ZNF12: variants seen among roughly 807,000 people sequenced by gnomAD.
ZNF12 encodes gonadotropin inducible transcription repressor 3.
Under a neutral mutation model 66.6 loss-of-function variants are expected in ZNF12, and 34 were observed. The ratio of observed to expected loss-of-function variants is 0.51; its 90% confidence interval spans 0.39 to 0.68. ZNF12 has a LOEUF of 0.68. ZNF12 is among the 30% of genes least tolerant of loss of function. The pLI is 0.00. For synonymous variants in ZNF12, 320 were observed against 278.9 expected (o/e 1.15, Z -1.47); for missense variants, 697 against 826.9 (o/e 0.84, Z 1.93).
rs1163077928 is a variant in ZNF12 at position 6,706,550 on chromosome 7, G to C, written c.-169C>G. ...CTGTCCACCTCACCAAGGCCGTTCT[G>C]CTCCAGAGGGGCCCGGGCCGGGCCT... On this transcript the variant is annotated 5_prime_UTR_variant, in exon 1 of 5. Coordinates refer to ENST00000405858, the MANE Select transcript of ZNF12 (RefSeq NM_016265.4). 2.1e-6 allele frequency: 1 copy of C among 469,828 alleles called. No homozygotes were observed. The highest frequency in any genetic ancestry group is 1.5e-5 in the South Asian group (1 of 65,628). 29.1% of individuals were successfully genotyped at this position (469,828 alleles called of 1,614,324 possible). A position where few individuals can be genotyped will look rare whatever the true frequency, so the allele number is the denominator to read the frequency against.
chr7:6,692,178 T>C lies in ZNF12; in HGVS notation c.764A>G (p.Asp255Gly). ...ATGAGATGTCTGATGTACAGTGAGG[T>C]CCGACATCTGGAGAAAGGCTATTTC... is the stretch of plus-strand genomic sequence containing the variant. ...GSEIAFLQMSDLTVHQTSHME... is the reference protein window; with the variant it reads ...GSEIAFLQMSGLTVHQTSHME... Residue 255 changes from aspartate to glycine, a missense_variant, in exon 5 of 5, where the codon GAC becomes GGC. Transcript: ENST00000405858. This position sits in a 1 kb window ranked among gnomAD's most constrained non-coding sequence, Gnocchi z 5.1. 1 of 1,614,154 alleles carries C rather than the reference T, an allele frequency of 6.2e-7. No homozygotes were observed. Among genetic ancestry groups the C allele is most frequent in the East Asian group, 2.2e-5 (1 of 44,882 alleles).
chr7:6,706,265 C>G (rs1008497176), intron 1 of ZNF12, among the ~76,000 whole-genome samples, 167 bp downstream of exon 1: 3 of 152,182 alleles, frequency 2.0e-5, no homozygotes, highest in Admixed American at 1.3e-4. Context: ...GTGACACCCC[C>G]CACGCCCCCG....
rs1220926348 is a variant in ZNF12 at position 6,692,342 on chromosome 7, A to G, written c.600T>C (p.Thr200=). 1 of 1,607,898 alleles carries G rather than the reference A, an allele frequency of 6.2e-7. No individual in the cohort carries two copies. The highest frequency in any genetic ancestry group is 1.7e-5 in the Admixed American group (1 of 58,912). The part of the protein sequence containing the change: ...YEFNQNGEPY[T]LNEESLYQKI... ...TCTGATAAAGACTTTCTTCATTTAG[A>G]GTATAAGGTTCCCCATTTTGATTAA... The change falls in exon 5 of 5, where the codon ACT becomes ACC. Residue 200 remains threonine (T), a synonymous_variant. Transcript: ENST00000405858. The surrounding 1 kb of genome is among the most constrained non-coding windows in gnomAD (Gnocchi z 5.1).
chr7:6,701,703 A>G (rs1231267583), intron 2 of ZNF12, among the ~76,000 whole-genome samples: 1 of 151,938 alleles, frequency 6.6e-6, no homozygotes, highest in Non-Finnish European at 1.5e-5. Flanking sequence ...TAGGAATGCT[A>G]TGTCTACCCT....
intron 2 of ZNF12, among the ~76,000 whole-genome samples, chr7:6,700,328 CACACACACAT>C (rs1780218522): frequency 2.0e-5 from 3 of 148,360 alleles, no homozygotes; most frequent in African/African-American, 5.1e-5. Context: ...CACACACACA[CACACACACAT>C]ATATATACAT....
chr7:6,697,408 T>A lies in ZNF12; in HGVS notation c.169A>T (p.Ile57Phe), dbSNP rs772084571. ...TCTTCTCCTTGCTCCAACTTGCTGA[T>A]AACATCCGGTTTGATAATGTGATAC... is the stretch of plus-strand genomic sequence containing the variant. ...VGYHIIKPDV[I>F]SKLEQGEEPW... The change falls in exon 4 of 5, where the codon ATC becomes TTC. Residue 57 changes from isoleucine (I) to phenylalanine (F), a missense_variant. Physicochemically the swap from Ile to Phe is conservative, Grantham distance 21 (BLOSUM62 0). Around this residue, in one of 3 missense-constraint regions of ZNF12, gnomAD observed 55 missense variants for 83.9 expected, o/e 0.66. Coordinates refer to ENST00000405858, the MANE Select transcript of ZNF12 (RefSeq NM_016265.4). This position sits in a 1 kb window ranked among gnomAD's most constrained non-coding sequence, Gnocchi z 6.1. The A allele has an allele frequency of 6.2e-7, 1 of 1,612,674 alleles. No individual in the cohort carries two copies. Among genetic ancestry groups the A allele is most frequent in the Non-Finnish European group, 8.5e-7 (1 of 1,179,384 alleles).
rs1329782662 is a variant in ZNF12, at chr7:6,705,726, AC to A, written c.-50-504del. Among the ~76,000 whole-genome samples the A allele has an allele frequency of 1.4e-4, 22 of 152,090 alleles. No homozygotes were observed. Among genetic ancestry groups the A allele is most frequent in the African/African-American group, 4.8e-4 (20 of 41,466 alleles). Reference sequence around the variant, plus strand: ...AAAGCGAAACTTGTCTCAAAAACAAACAAACAAACAAACAAAAAACAAACAA... The same window carrying A: ...AAAGCGAAACTTGTCTCAAAAACAAAAAACAAACAAACAAAAAACAAACAA... On this transcript the variant is annotated intron_variant, in intron 1 of 4. Coordinates refer to ENST00000405858, the MANE Select transcript of ZNF12 (RefSeq NM_016265.4). The surrounding 1 kb of genome is among the most constrained non-coding windows in gnomAD (Gnocchi z 4.0).
In ZNF12 at chr7:6,705,060, T is replaced by C. The variant is rs891569477; in HGVS notation, c.15+99A>G. On this transcript the variant is annotated intron_variant, in intron 2 of 4. Transcript: ENST00000405858. This position sits in a 1 kb window ranked among gnomAD's most constrained non-coding sequence, Gnocchi z 4.0. The stretch of plus-strand genomic sequence containing the variant: ...GTTCTGTCTGACCAAATCTTGTATC[T>C]ATTTCTACTTTCCCATTTTAAACTT... 16 of 1,403,246 alleles carry C rather than the reference T, an allele frequency of 1.1e-5. No individual in the cohort carries two copies. The East Asian group carries it at 2.2e-4, about 19-fold the overall frequency. 86.9% of individuals were successfully genotyped at this position (1,403,246 alleles called of 1,614,324 possible). A position where few individuals can be genotyped will look rare whatever the true frequency, so the allele number is the denominator to read the frequency against.
At chr7:6,702,499 CA>C (rs1780268383) in intron 2 of ZNF12, among the ~76,000 whole-genome samples, 1 of 103,032 alleles carries the variant, frequency 9.7e-6, no homozygotes. Context: ...CACACACACA[CA>C]CACACACAGA....
intron 4 of ZNF12, among the ~76,000 whole-genome samples, chr7:6,695,425 T>C (rs2087712981): frequency 1.3e-5 from 2 of 151,982 alleles, no homozygotes; most frequent in Admixed American, 6.6e-5. Context: ...TTCACTATGT[T>C]ACCCAGGCTG....
At chr7:6,694,537 T>C (rs542272384) in intron 4 of ZNF12, among the ~76,000 whole-genome samples, 3 of 152,306 alleles carry the variant, frequency 2.0e-5, no homozygotes, top group Non-Finnish European at 4.4e-5. Context: ...AGTAGAGAGT[T>C]GTTCTGGAGG....
In ZNF12 at chr7:6,706,890, CA is replaced by C; in HGVS notation, c.-510del. On this transcript the variant is annotated 5_prime_UTR_variant, in exon 1 of 5. Coordinates refer to ENST00000405858, the MANE Select transcript of ZNF12 (RefSeq NM_016265.4). The stretch of plus-strand genomic sequence containing the variant: ...TCCGCGATTCTCGCCCACCGGAGGC[CA>C]AAGCCTGGGAACTAGGGCGAGCGGT... 1 of 408,030 alleles carries C rather than the reference CA, an allele frequency of 2.5e-6. No homozygotes were observed. Among genetic ancestry groups the C allele is most frequent in the Non-Finnish European group, 4.8e-6 (1 of 206,202 alleles). 25.3% of individuals were successfully genotyped at this position (408,030 alleles called of 1,614,324 possible).
At position 6,705,202 on chromosome 7, in the gene ZNF12, G is replaced by A. The variant is rs1429183338; in HGVS notation, c.-29C>T. 1.2e-6 allele frequency: 2 copies of A among 1,613,618 alleles called. No individual in the cohort carries two copies. The highest frequency in any genetic ancestry group is 1.7e-5 in the Admixed American group (1 of 59,986). The stretch of plus-strand genomic sequence containing the variant: ...CTGCTGCTCTTGGAAAAATCTGGAG[G>A]ACTGTGAAAGCGGAGGCAGATCTGG... On this transcript the variant is annotated 5_prime_UTR_variant, in exon 2 of 5. Transcript: ENST00000405858. This position sits in a 1 kb window ranked among gnomAD's most constrained non-coding sequence, Gnocchi z 4.0.
intron 2 of ZNF12, among the ~76,000 whole-genome samples, chr7:6,703,062 AC>A (rs1780283000): frequency 6.6e-6 from 1 of 151,562 alleles, no homozygotes; most frequent in Non-Finnish European, 1.5e-5. Flanking sequence ...ACACACACAC[AC>A]ACCCCTACCT....
At chr7:6,702,303 A>AACACACAG (rs1780258139) in intron 2 of ZNF12, among the ~76,000 whole-genome samples, 2 of 122,812 alleles carry the variant, frequency 1.6e-5, no homozygotes, top group African/African-American at 6.0e-5. Flanking sequence ...AAACTCCACA[A>AACACACAG]ACACACACAC....
Position 6,697,656 on chromosome 7 carries a change from T to C in ZNF12, c.142+29A>G. 1 of 1,613,012 alleles carries C rather than the reference T, an allele frequency of 6.2e-7. No homozygotes were observed. The highest frequency in any genetic ancestry group is 1.3e-5 in the African/African-American group (1 of 75,000). ...AATTTGTGAGAAATCCCATATATTT[T>C]AGCAACTGAGAAAGCAAGCTATCCT... On this transcript the variant is annotated intron_variant, in intron 3 of 4. Coordinates refer to ENST00000405858, the MANE Select transcript of ZNF12 (RefSeq NM_016265.4). The surrounding 1 kb of genome is among the most constrained non-coding windows in gnomAD (Gnocchi z 6.1).
chr7:6,697,958 AAATACACTGTTC>A lies in ZNF12; in HGVS notation c.16-159_16-148del. ...TGTCAAAGGGAAACAAACATATCAG[AAATACACTGTTC>A]TGGGGTTCATTCAGTATACATCAAA... is the stretch of plus-strand genomic sequence containing the variant. On this transcript the variant is annotated intron_variant, in intron 2 of 4. Coordinates refer to ENST00000405858, the MANE Select transcript of ZNF12 (RefSeq NM_016265.4). The surrounding 1 kb of genome is among the most constrained non-coding windows in gnomAD (Gnocchi z 6.1). The A allele has an allele frequency of 1.0e-6, 1 of 993,830 alleles. No individual in the cohort carries two copies. The highest frequency in any genetic ancestry group is 1.6e-6 in the Non-Finnish European group (1 of 625,990). The allele number at this position is 993,830 out of a possible 1,614,324, so 61.6% of individuals were successfully genotyped here. A position where few individuals can be genotyped will look rare whatever the true frequency, so the allele number is the denominator to read the frequency against.
At chr7:6,706,150 G>C (rs1263220319) in intron 1 of ZNF12, among the ~76,000 whole-genome samples, 1 of 152,212 alleles carries the variant, frequency 6.6e-6, no homozygotes, top group Non-Finnish European at 1.5e-5. Flanking sequence ...TGAGAGAACA[G>C]AGGTGCTGAC....
At chr7:6,704,740 CAAAA>C (rs949897713) in intron 2 of ZNF12, among the ~76,000 whole-genome samples, 49 of 32,242 alleles carry the variant, frequency 1.5e-3, no homozygotes, top group African/African-American at 2.4e-3. Flanking sequence ...TACTTGGTCT[CAAAA>C]AAAAAAAAAA....
Sources: gnomAD v4.1 joint callset for allele counts (sites outside exome capture counted in the v4.1 genomes callset) on GRCh38, gnomAD v4.1.1 for gene constraint, gnomAD v4.1.1 regional missense constraint, Gnocchi (gnomAD v3.1) non-coding constraint, MANE v1.5 for transcripts, NCBI Gene and HGNC (gene_info 2026-07-23, HGNC 2026-07-21) for gene names.